SLC35F4: variants seen among roughly 807,000 people sequenced by gnomAD.
SLC35F4 encodes chromosome 14 open reading frame 36.
SLC35F4 carries 24 observed loss-of-function variants against 44.2 expected under a neutral mutation model. That is an observed-to-expected ratio of 0.54 (90% CI 0.39 to 0.76). The LOEUF (loss-of-function observed/expected upper bound fraction) is 0.76. SLC35F4 is among the 30% of genes least tolerant of loss of function. SLC35F4 has a pLI of 0.00. For synonymous variants in SLC35F4, 238 were observed against 223.6 expected, an observed-to-expected ratio of 1.06 and a Z score of -0.57; for missense variants, 562 against 586.1, an observed-to-expected ratio of 0.96 and a Z score of 0.42.
intron 1 of SLC35F4, among the ~76,000 whole-genome samples, chr14:57,669,527 T>G (rs989293808): frequency 9.9e-5 from 15 of 151,622 alleles, no homozygotes; most frequent in African/African-American, 2.7e-4. Flanking sequence ...TTTATTGAGA[T>G]TTTTTAGCAT....
chr14:57,723,325 A>C (rs544883705), intron 1 of SLC35F4, among the ~76,000 whole-genome samples: 52 of 152,352 alleles, frequency 3.4e-4, no homozygotes, highest in Middle Eastern at 3.4e-3. Context: ...GGAAACAATT[A>C]GAGCTGCCTC....
In SLC35F4 at chr14:57,742,189, C is replaced by T. The variant is rs560832965; in HGVS notation, c.103+123534G>A. 3.3e-5 allele frequency among the ~76,000 whole-genome samples: 5 copies of T among 152,302 alleles called. No homozygotes were observed. In the South Asian group the frequency reaches 1.0e-3, roughly 32 times the overall value. On this transcript the variant is annotated intron_variant, in intron 1 of 7. Coordinates refer to ENST00000556826, the MANE Select transcript of SLC35F4 (RefSeq NM_001306087.2). Reference sequence around the variant, plus strand: ...ACTAACGAGCAAAATAACCAGCTAACATCATAATGACAGGATCAAATTCAC... The same window carrying T: ...ACTAACGAGCAAAATAACCAGCTAATATCATAATGACAGGATCAAATTCAC...
intron 1 of SLC35F4, among the ~76,000 whole-genome samples, chr14:57,631,574 G>T (rs973740569): frequency 2.0e-5 from 3 of 152,026 alleles, no homozygotes; most frequent in African/African-American, 7.2e-5. Flanking sequence ...TATGAGGGAG[G>T]TTTGCTTTTC....
intron 1 of SLC35F4, among the ~76,000 whole-genome samples, chr14:57,776,977 A>C (rs2077505258): frequency 1.3e-5 from 2 of 152,248 alleles, no homozygotes; most frequent in Non-Finnish European, 2.9e-5. Flanking sequence ...GATGGTTATC[A>C]GCCACTAAAA....
At chr14:57,784,594 T>G (rs2140765399) in intron 1 of SLC35F4, among the ~76,000 whole-genome samples, 1 of 152,234 alleles carries the variant, frequency 6.6e-6, no homozygotes, top group African/African-American at 2.4e-5. Context: ...GGAGAATCTC[T>G]TGCGCCCAGG....
chr14:57,742,654 G>C (rs1380476608), intron 1 of SLC35F4, among the ~76,000 whole-genome samples: 1 of 152,132 alleles, frequency 6.6e-6, no homozygotes, highest in African/African-American at 2.4e-5. Context: ...TTCAACATTA[G>C]ACAGATCAAC....
intron 1 of SLC35F4, among the ~76,000 whole-genome samples, chr14:57,698,877 C>T (rs944619335): frequency 5.3e-5 from 8 of 152,108 alleles, no homozygotes; most frequent in African/African-American, 1.7e-4. Flanking sequence ...CCACGCACCT[C>T]GGCCTTCCAA....
In SLC35F4 at chr14:57,671,794, G is replaced by T. The variant is rs141313045; in HGVS notation, c.104-77670C>A. Among the ~76,000 whole-genome samples the T allele has an allele frequency of 5.0e-4, 76 of 152,186 alleles. No homozygotes were observed. In the Middle Eastern group the frequency reaches 0.01, roughly 20 times the overall value. On this transcript the variant is annotated intron_variant, in intron 1 of 7. Coordinates refer to ENST00000556826, the MANE Select transcript of SLC35F4 (RefSeq NM_001306087.2). Reference sequence around the variant, plus strand: ...TAGTAGCCAGTGATATGATGGATGAGCACGGAAGTACAAATGTCCAGCTTC... The same window carrying T: ...TAGTAGCCAGTGATATGATGGATGATCACGGAAGTACAAATGTCCAGCTTC...
At chr14:57,922,728 C>T (rs554449551) in intron 1 of SLC35F4, among the ~76,000 whole-genome samples, 3 of 152,098 alleles carry the variant, frequency 2.0e-5, no homozygotes, top group Non-Finnish European at 4.4e-5. Context: ...CCTGGGCAAC[C>T]GAGATCTTGA....
intron 1 of SLC35F4, among the ~76,000 whole-genome samples, chr14:57,852,415 G>A (rs946963533): frequency 1.3e-5 from 2 of 152,146 alleles, no homozygotes; most frequent in African/African-American, 4.8e-5. Context: ...GATCTTATAA[G>A]CTGCGTTCAG....
chr14:57,930,369 C>A (rs552679545), intron 1 of SLC35F4, among the ~76,000 whole-genome samples: 56 of 152,312 alleles, frequency 3.7e-4, no homozygotes, highest in African/African-American at 1.1e-3. Context: ...GCAGCAACAA[C>A]ATTCCCTATT....
intron 1 of SLC35F4, among the ~76,000 whole-genome samples, chr14:57,705,739 T>G (rs2075655962): frequency 6.6e-6 from 1 of 152,202 alleles, no homozygotes; most frequent in South Asian, 2.1e-4. Flanking sequence ...ACTGGTCCTA[T>G]TAACCCTGTA....
intron 1 of SLC35F4, among the ~76,000 whole-genome samples, chr14:57,641,049 A>G (rs1431452161): frequency 6.6e-6 from 1 of 151,956 alleles, no homozygotes; most frequent in Non-Finnish European, 1.5e-5. Flanking sequence ...AAGCATTACC[A>G]CACGAAAGTG....
chr14:57,909,826 G>T (rs1432352510), intron 1 of SLC35F4, among the ~76,000 whole-genome samples: 3 of 152,002 alleles, frequency 2.0e-5, no homozygotes, highest in Non-Finnish European at 4.4e-5. Context: ...ATTATTTTGG[G>T]TAAACACCAA....
intron 1 of SLC35F4, among the ~76,000 whole-genome samples, chr14:57,882,958 A>T: frequency 6.6e-6 from 1 of 151,834 alleles, no homozygotes; most frequent in African/African-American, 2.4e-5. Context: ...TTGTACAATT[A>T]GACATACCTT....
chr14:57,573,045 T>A (rs1463876913), intron 4 of SLC35F4, among the ~76,000 whole-genome samples: 4 of 152,236 alleles, frequency 2.6e-5, no homozygotes, highest in African/African-American at 9.6e-5. Flanking sequence ...ATTCTTCAGT[T>A]CTGAGTATTC....
Position 57,919,119 on chromosome 14 carries a change from G to A in SLC35F4, n.282+62794C>T, listed in dbSNP as rs929253027. 5.3e-5 allele frequency among the ~76,000 whole-genome samples: 8 copies of A among 152,124 alleles called. No homozygotes were observed. The South Asian group carries it at 8.3e-4, about 16-fold the overall frequency. ...CCATGGTTTGGATGCAGAAGACAGAGGAACCATGAGATGGAAGGAGCTCAA... is the reference window on the plus strand; with the variant it reads ...CCATGGTTTGGATGCAGAAGACAGAAGAACCATGAGATGGAAGGAGCTCAA... On this transcript the variant is annotated intron_variant and non_coding_transcript_variant, in intron 1 of 1. Coordinates refer to the SLC35F4 transcript ENST00000556568.
At chr14:57,699,038 A>T (rs1020961285) in intron 1 of SLC35F4, among the ~76,000 whole-genome samples, 1 of 152,214 alleles carries the variant, frequency 6.6e-6, no homozygotes, top group African/African-American at 2.4e-5. Context: ...GAACTGATTA[A>T]GGGAAATTGT....
intron 1 of SLC35F4, among the ~76,000 whole-genome samples, chr14:57,778,977 TAA>T (rs2077556540): frequency 6.6e-6 from 1 of 152,082 alleles, no homozygotes; most frequent in African/African-American, 2.4e-5. Context: ...AAAGCAGTGT[TAA>T]GAGGGAAATT....
Sources: gnomAD v4.1 joint callset for allele counts (sites outside exome capture counted in the v4.1 genomes callset) on GRCh38, gnomAD v4.1.1 for gene constraint, MANE v1.5 for transcripts, NCBI Gene and HGNC (gene_info 2026-07-23, HGNC 2026-07-21) for gene names.